Variants in ABI3 observed in about 807,000 individuals in gnomAD.
The protein encoded by ABI3 is ABI gene family member 3.
A neutral mutation model predicts 37.0 loss-of-function variants in ABI3; 24 were observed. That is an observed-to-expected ratio of 0.65 (90% CI 0.47 to 0.91). ABI3 has a LOEUF of 0.91. Ranked by LOEUF, ABI3 falls within the 40% of genes least tolerant of loss-of-function variation. ABI3 has a pLI of 0.00. For synonymous variants in ABI3, 220 were observed against 211.8 expected, an observed-to-expected ratio of 1.04 and a Z score of -0.34; for missense variants, 481 against 485.1, an observed-to-expected ratio of 0.99 and a Z score of 0.08.
chr17:49,214,997 A>G (rs967083829), intron 1 of ABI3, among the ~76,000 whole-genome samples: 7 of 152,234 alleles, frequency 4.6e-5, no homozygotes, highest in African/African-American at 1.7e-4. Context: ...GGCGTAGATA[A>G]CGAAAAAAAT....
intron 2 of ABI3, 146 bp from the exon 3 acceptor site, chr17:49,217,593 G>C (rs1199298151): frequency 1.5e-6 from 1 of 654,384 alleles, no homozygotes; most frequent in African/African-American, 2.0e-5. Context: ...TAGCCTGGTG[G>C]GGGGCGGGGG....
Position 49,216,688 on chromosome 17 carries a change from C to A in ABI3, c.275C>A (p.Thr92Lys). The change falls in exon 2 of 8, where the codon ACG (threonine) becomes AAG (lysine). Residue 92 changes from threonine (T) to lysine (K), a missense_variant. Transcript: ENST00000225941. Reference sequence around the variant, plus strand: ...CGGCAGGTGGAAGCCCGTGTAAGCACGCTGGGCCAGGTAAGGGGCGTGGGG... The same window carrying A: ...CGGCAGGTGGAAGCCCGTGTAAGCAAGCTGGGCCAGGTAAGGGGCGTGGGG... ...ALRQVEARVS[T>K]LGQMVNMHME... 6.4e-7 allele frequency: 1 copy of A among 1,570,090 alleles called. No individual in the cohort carries two copies. The highest frequency in any genetic ancestry group is 1.9e-5 in the Admixed American group (1 of 53,628).
intron 1 of ABI3, among the ~76,000 whole-genome samples, chr17:49,215,744 C>T (rs116107816): frequency 0.013 from 1,952 of 151,624 alleles, 41 homozygotes; most frequent in African/African-American, 0.043. Context: ...GTGATTTGCC[C>T]GCCTGGGCCT....
At chr17:49,222,031 CCT>C (rs1412686782) in intron 6 of ABI3, 58 bp from the exon 7 acceptor site, 1 of 1,512,596 alleles carries the variant, frequency 6.6e-7, no homozygotes, top group South Asian at 1.3e-5. Flanking sequence ...TGAGCAGTTC[CCT>C]GACACACTGA....
At chr17:49,215,588 C>T (rs2043210977) in intron 1 of ABI3, among the ~76,000 whole-genome samples, 1 of 152,042 alleles carries the variant, frequency 6.6e-6, no homozygotes, top group African/African-American at 2.4e-5. Flanking sequence ...ACCTCCGCCT[C>T]CCGGGTTCAA....
chr17:49,213,271 T>C lies in ABI3; in HGVS notation c.117+2430T>C, dbSNP rs112148488. 1.9e-3 allele frequency among the ~76,000 whole-genome samples: 289 copies of C among 152,230 alleles called. 2 individuals are homozygous for C. The highest frequency in any genetic ancestry group is 6.6e-3 in the African/African-American group (275 of 41,542). On this transcript the variant is annotated intron_variant, in intron 1 of 7. Transcript: ENST00000225941. ...GGAGGAGAAGCTGTCCTTGCAAAAA[T>C]ATGCAGGGCATGAGAAGCCCTGACC...
Position 49,219,653 on chromosome 17 carries a change from C to G in ABI3, c.548+28C>G. The G allele has an allele frequency of 6.4e-7, 1 of 1,564,952 alleles. No homozygotes were observed. The highest frequency in any genetic ancestry group is 2.3e-5 in the East Asian group (1 of 43,082). On this transcript the variant is annotated intron_variant, in intron 4 of 7. Coordinates refer to ENST00000225941, the MANE Select transcript of ABI3 (RefSeq NM_016428.3). This position sits in a 1 kb window ranked among gnomAD's most constrained non-coding sequence, Gnocchi z 4.3. ...GAGGCCTCGCCGCGACGCCAACTAG[C>G]CTAGCCCTGCCCCGCGCGACCCTGA...
chr17:49,221,040 G>A (rs956753093), intron 6 of ABI3, among the ~76,000 whole-genome samples: 3 of 150,808 alleles, frequency 2.0e-5, no homozygotes, highest in Non-Finnish European at 4.4e-5. Context: ...TGGCGTGGTG[G>A]TGCGTGCCTG....
intron 3 of ABI3, among the ~76,000 whole-genome samples, chr17:49,218,633 C>T (rs1033123757): frequency 6.9e-6 from 1 of 145,192 alleles, no homozygotes; most frequent in Middle Eastern, 3.2e-3. Flanking sequence ...GATGGAGTTT[C>T]GCTCTTGTTG....
chr17:49,222,287 T>C, intron 7 of ABI3, 62 bp downstream of exon 7: 1 of 1,562,380 alleles, frequency 6.4e-7, no homozygotes, highest in African/African-American at 1.4e-5. Context: ...CTGATCCCCA[T>C]TCTCCTCCCT....
In ABI3 at chr17:49,219,747, C is replaced by G. The variant is rs1199605525; in HGVS notation, c.549-111C>G. 2 of 1,411,438 alleles carry G rather than the reference C, an allele frequency of 1.4e-6. No homozygotes were observed. The highest frequency in any genetic ancestry group is 1.9e-6 in the Non-Finnish European group (2 of 1,031,618). The allele number at this position is 1,411,438 out of a possible 1,614,324, so 87.4% of individuals were successfully genotyped here. ...GGTGCTCAGGCCGTCATGCTGGATG[C>G]CTGGCGCCAAACCTCCCCCTCGGCC... is the stretch of plus-strand genomic sequence containing the variant. On this transcript the variant is annotated intron_variant, in intron 4 of 7. Transcript: ENST00000225941. The surrounding 1 kb of genome is among the most constrained non-coding windows in gnomAD (Gnocchi z 4.3).
At position 49,219,093 on chromosome 17, in the gene ABI3, T is replaced by C. The variant is rs2043251807; in HGVS notation, c.463-447T>C. 6.6e-6 allele frequency among the ~76,000 whole-genome samples: 1 copy of C among 152,114 alleles called. No individual in the cohort carries two copies. ...CCCCTCTAAGTGGCCTGGGTCTTGCTCCTCTCTGCCCTAACTCCCCAAAGC... is the reference window on the plus strand; with the variant it reads ...CCCCTCTAAGTGGCCTGGGTCTTGCCCCTCTCTGCCCTAACTCCCCAAAGC... On this transcript the variant is annotated intron_variant, in intron 3 of 7. Transcript: ENST00000225941. The surrounding 1 kb of genome is among the most constrained non-coding windows in gnomAD (Gnocchi z 4.3).
At chr17:49,220,043 C>T in intron 5 of ABI3, 90 bp downstream of exon 5, 1 of 1,538,118 alleles carries the variant, frequency 6.5e-7, no homozygotes, top group Non-Finnish European at 8.8e-7. Context: ...GACTCCTGGG[C>T]TTGAAAGGAC....
At chr17:49,217,041 G>C (rs1222278478) in intron 2 of ABI3, among the ~76,000 whole-genome samples, 1 of 151,970 alleles carries the variant, frequency 6.6e-6, no homozygotes, top group Non-Finnish European at 1.5e-5. Context: ...CCAGACCCAG[G>C]GTGCTAGCTT....
chr17:49,216,034 T>C (rs1468173486), intron 1 of ABI3, among the ~76,000 whole-genome samples: 1 of 150,120 alleles, frequency 6.7e-6, no homozygotes, highest in African/African-American at 2.5e-5. Context: ...TCGCTTGAAC[T>C]CGGAAGGCGG....
intron 7 of ABI3, 151 bp from the exon 8 acceptor site, chr17:49,222,401 G>T: frequency 7.4e-7 from 1 of 1,344,450 alleles, no homozygotes. Context: ...TATTAACTAA[G>T]CTGGGGAGGG....
At position 49,219,473 on chromosome 17, in the gene ABI3, C is replaced by T. The variant is rs1234236443; in HGVS notation, c.463-67C>T. ...CCCGTCCGCCCCTCCTCCATTTCCT[C>T]TTGGGGATGAGGGTGGAGGGAGGCC... On this transcript the variant is annotated intron_variant, in intron 3 of 7. Coordinates refer to ENST00000225941, the MANE Select transcript of ABI3 (RefSeq NM_016428.3). This position sits in a 1 kb window ranked among gnomAD's most constrained non-coding sequence, Gnocchi z 4.3. The T allele has an allele frequency of 3.3e-5, 46 of 1,379,774 alleles. No homozygotes were observed. The South Asian group carries it at 6.0e-4, about 18-fold the overall frequency. The allele number at this position is 1,379,774 out of a possible 1,614,324, so 85.5% of individuals were successfully genotyped here. A position where few individuals can be genotyped will look rare whatever the true frequency, so the allele number is the denominator to read the frequency against.
At chr17:49,213,464 C>T (rs1000464309) in intron 1 of ABI3, among the ~76,000 whole-genome samples, 3 of 152,134 alleles carry the variant, frequency 2.0e-5, no homozygotes. Flanking sequence ...CCCCTACCCT[C>T]CAACCCCACC....
intron 1 of ABI3, 98 bp from the exon 2 acceptor site, chr17:49,216,433 A>G (rs1262677644): frequency 8.2e-7 from 1 of 1,218,962 alleles, no homozygotes; most frequent in Non-Finnish European, 1.1e-6. Context: ...CTCCCAATCC[A>G]GCCCCTACTT....
Sources: gnomAD v4.1 joint callset for allele counts (sites outside exome capture counted in the v4.1 genomes callset) on GRCh38, gnomAD v4.1.1 for gene constraint, Gnocchi (gnomAD v3.1) non-coding constraint, MANE v1.5 for transcripts, NCBI Gene and HGNC (gene_info 2026-07-23, HGNC 2026-07-21) for gene names.